SNTG2: variants seen among roughly 807,000 people sequenced by gnomAD.
SNTG2 encodes the protein syntrophin gamma 2.
Under a neutral mutation model 70.9 loss-of-function variants are expected in SNTG2, and 74 were observed. The ratio of observed to expected loss-of-function variants is 1.04; its 90% CI spans 0.86 to 1.27. The LOEUF (loss-of-function observed/expected upper bound fraction) is 1.27. SNTG2 is among the 50% of genes most tolerant of loss of function. SNTG2 has a pLI of 0.00. For missense variants in SNTG2, 717 were observed against 690.7 expected (o/e 1.04, Z -0.43); for synonymous variants, 278 against 273.8 (o/e 1.02, Z -0.15).
chr2:1,167,902 C>T (rs878962425), intron 7 of SNTG2, among the ~76,000 whole-genome samples: 5 of 123,844 alleles, frequency 4.0e-5, no homozygotes, highest in South Asian at 3.0e-4. Flanking sequence ...CGCCCACAGA[C>T]GGCAGAACTG....
intron 1 of SNTG2, among the ~76,000 whole-genome samples, chr2:984,765 G>A (rs540138404): frequency 4.5e-4 from 69 of 152,224 alleles, no homozygotes; most frequent in Non-Finnish European, 7.8e-4. Flanking sequence ...GAAGACGAGG[G>A]TAACAGACGT....
At chr2:1,045,282 T>A (rs1292870357) in intron 1 of SNTG2, among the ~76,000 whole-genome samples, 1 of 152,104 alleles carries the variant, frequency 6.6e-6, no homozygotes, top group African/African-American at 2.4e-5. Context: ...ATCTTCTCTC[T>A]TACTTCCTTA....
chr2:960,594 C>T (rs1018417908), intron 1 of SNTG2, among the ~76,000 whole-genome samples: 3 of 150,884 alleles, frequency 2.0e-5, no homozygotes, highest in Non-Finnish European at 4.4e-5. Context: ...CTCCTACTGC[C>T]TGCTCATGGG....
chr2:995,205 C>T (rs1480066539), intron 1 of SNTG2, among the ~76,000 whole-genome samples: 1 of 152,016 alleles, frequency 6.6e-6, no homozygotes, highest in Non-Finnish European at 1.5e-5. Context: ...GGATTTTCCA[C>T]AGATAACTTT....
intron 7 of SNTG2, among the ~76,000 whole-genome samples, chr2:1,166,177 C>T (rs1670693196): frequency 6.6e-6 from 1 of 152,192 alleles, no homozygotes; most frequent in Admixed American, 6.5e-5. Flanking sequence ...ATTCAGCTGT[C>T]ATGGCTTTAT....
chr2:1,028,046 A>C (rs1660587779), intron 1 of SNTG2, among the ~76,000 whole-genome samples: 1 of 151,574 alleles, frequency 6.6e-6, no homozygotes, highest in Non-Finnish European at 1.5e-5. Flanking sequence ...CTGTTGAGTA[A>C]AGAGATAAGC....
rs374159668 is a variant in SNTG2, at chr2:1,068,882, A to G, written c.73-14636A>G. ...CTAATCATTCAGAGAAATGTCACTT[A>G]TGCGCCAGCTGTTTGTCACTTTGTC... On this transcript the variant is annotated intron_variant, in intron 1 of 16. Transcript: ENST00000308624. Among the ~76,000 whole-genome samples, 10 of 152,340 alleles carry G rather than the reference A, an allele frequency of 6.6e-5. No homozygotes were observed. The East Asian group carries it at 7.7e-4, about 12-fold the overall frequency.
At chr2:1,241,707 G>A (rs1358958568) in intron 11 of SNTG2, among the ~76,000 whole-genome samples, 1 of 152,158 alleles carries the variant, frequency 6.6e-6, no homozygotes, top group African/African-American at 2.4e-5. Flanking sequence ...AACCTGTAGG[G>A]AGCACAGTTT....
intron 4 of SNTG2, among the ~76,000 whole-genome samples, chr2:1,126,264 C>T (rs1316647978): frequency 2.0e-5 from 3 of 152,166 alleles, no homozygotes; most frequent in African/African-American, 7.2e-5. Context: ...TGGCTGACTT[C>T]ACTTAAAGTA....
chr2:1,295,967 C>A lies in SNTG2; in HGVS notation c.1285-12527C>A, dbSNP rs188128472. ...CATCGATGGCTTTCACTGTAGAAGG[C>A]TGAGTCTCCCATGTTGGGGTGGGAG... On this transcript the variant is annotated intron_variant, in intron 14 of 16. Coordinates refer to ENST00000308624, the MANE Select transcript of SNTG2 (RefSeq NM_018968.4). Among the ~76,000 whole-genome samples, 88 of 151,984 alleles carry A rather than the reference C, an allele frequency of 5.8e-4. 1 individual carries two copies. The East Asian group carries it at 0.014, about 25-fold the overall frequency.
intron 1 of SNTG2, among the ~76,000 whole-genome samples, chr2:1,024,921 A>G (rs553959515): frequency 1.3e-5 from 2 of 152,292 alleles, no homozygotes; most frequent in African/African-American, 4.8e-5. Context: ...TTGTTAGTGC[A>G]CTCTATGGGA....
rs981643540 is a variant in SNTG2, at chr2:1,353,024, C to T, written c.1489-14319C>T. Among the ~76,000 whole-genome samples, 3 of 152,170 alleles carry T rather than the reference C, an allele frequency of 2.0e-5. No individual in the cohort carries two copies. Among genetic ancestry groups the T allele is most frequent in the African/African-American group, 7.2e-5 (3 of 41,432 alleles). On this transcript the variant is annotated intron_variant, in intron 16 of 16. Coordinates refer to ENST00000308624, the MANE Select transcript of SNTG2 (RefSeq NM_018968.4). This position sits in a 1 kb window ranked among gnomAD's most constrained non-coding sequence, Gnocchi z 4.2. ...ACAAAGACATCACCTCCCGGCTGCA[C>T]AGTTGCCCAGCGTGTTCCTGTGCTG...
At chr2:1,277,332 A>T (rs895956109) in intron 14 of SNTG2, among the ~76,000 whole-genome samples, 3 of 152,178 alleles carry the variant, frequency 2.0e-5, no homozygotes, top group African/African-American at 7.2e-5. Context: ...AGCCGCTCCA[A>T]CCTTCAGCAG....
chr2:957,531 G>C (rs1375465079), intron 1 of SNTG2, among the ~76,000 whole-genome samples: 1 of 152,118 alleles, frequency 6.6e-6, no homozygotes, highest in Non-Finnish European at 1.5e-5. Context: ...TGAGCTGGAA[G>C]CTAAAGATAA....
chr2:1,106,452 G>C (rs1241072944), intron 4 of SNTG2, among the ~76,000 whole-genome samples: 3 of 114,700 alleles, frequency 2.6e-5, no homozygotes, highest in Non-Finnish European at 3.6e-5. Flanking sequence ...GCTGTCACTC[G>C]GGTGCAGGGT....
intron 4 of SNTG2, among the ~76,000 whole-genome samples, chr2:1,128,615 C>A (rs1667845199): frequency 1.3e-5 from 2 of 152,176 alleles, no homozygotes; most frequent in African/African-American, 4.8e-5. Flanking sequence ...CCCTGCTTCT[C>A]TCAGACCGTC....
rs142211533 is a variant in SNTG2, at chr2:1,335,618, G to A, written c.1488+19243G>A. Among the ~76,000 whole-genome samples the A allele has an allele frequency of 1.6e-3, 240 of 152,120 alleles. 9 individuals are homozygous for A. In the East Asian group the frequency reaches 0.04, roughly 25 times the overall value. ...TCTAAGATAAATTAAAAATTAGACT[G>A]GAGTCCTACGAGTGAATTCCGTTTT... On this transcript the variant is annotated intron_variant, in intron 16 of 16. Coordinates refer to ENST00000308624, the MANE Select transcript of SNTG2 (RefSeq NM_018968.4).
intron 1 of SNTG2, among the ~76,000 whole-genome samples, chr2:1,022,673 T>A (rs969684575): frequency 2.0e-5 from 3 of 152,102 alleles, no homozygotes; most frequent in African/African-American, 4.8e-5. Context: ...CATACTTGCC[T>A]AGTACATGGC....
chr2:1,222,306 G>C (rs1035047585), intron 9 of SNTG2, among the ~76,000 whole-genome samples: 3 of 152,190 alleles, frequency 2.0e-5, no homozygotes, highest in Non-Finnish European at 4.4e-5. Context: ...CTCCGCTTTT[G>C]GACATTAAGA....
Sources: gnomAD v4.1 joint callset for allele counts (sites outside exome capture counted in the v4.1 genomes callset) on GRCh38, gnomAD v4.1.1 for gene constraint, Gnocchi (gnomAD v3.1) non-coding constraint, MANE v1.5 for transcripts, NCBI Gene and HGNC (gene_info 2026-07-23, HGNC 2026-07-21) for gene names.